COL5A2: variants seen among roughly 807,000 people sequenced by gnomAD.
COL5A2 encodes the protein collagen alpha-2(V) chain.
COL5A2 carries 23 observed loss-of-function variants against 208.2 expected under a neutral mutation model. The observed-to-expected ratio is 0.11, with a 90% CI of 0.08 to 0.16. The LOEUF is 0.16. Ranked by LOEUF, COL5A2 falls within the 10% of genes least tolerant of loss-of-function variation. The probability of loss-of-function intolerance (pLI) is 1.00; values close to 1 mark genes in which losing one functional copy is unlikely to be tolerated. For synonymous variants in COL5A2, 625 were observed against 628.5 expected, an observed-to-expected ratio of 0.99 and a Z score of 0.08; for missense variants, 1,590 against 1,956.4, an observed-to-expected ratio of 0.81 and a Z score of 3.53.
At chr2:189,147,932 G>A (rs1688071400) in intron 1 of COL5A2, among the ~76,000 whole-genome samples, 3 of 152,082 alleles carry the variant, frequency 2.0e-5, no homozygotes, top group African/African-American at 7.2e-5. Flanking sequence ...AGAATTTCTT[G>A]AGGAGTCTAT....
the COL5A2 span, among the ~76,000 whole-genome samples, chr2:189,412,765 T>C: frequency 6.6e-6 from 1 of 152,216 alleles, no homozygotes; most frequent in Non-Finnish European, 1.5e-5. Flanking sequence ...TTGTATTATG[T>C]TACCTAGAAA....
At chr2:189,066,288 G>T in intron 23 of COL5A2, 102 bp downstream of exon 23, 1 of 1,106,068 alleles carries the variant, frequency 9.0e-7, no homozygotes, top group Non-Finnish European at 1.4e-6. Flanking sequence ...CAGGGAACCT[G>T]CAAGCATTTC....
intron 45 of COL5A2, among the ~76,000 whole-genome samples, chr2:189,046,614 A>G (rs1470375468): frequency 1.3e-5 from 2 of 152,152 alleles, no homozygotes; most frequent in African/African-American, 4.8e-5. Context: ...TCTCCTTAAG[A>G]AGTCAGAGGT....
chr2:189,428,463 C>A, the COL5A2 span, among the ~76,000 whole-genome samples: 2 of 151,842 alleles, frequency 1.3e-5, no homozygotes, highest in Non-Finnish European at 2.9e-5. Flanking sequence ...ACTAAAAATA[C>A]AAAAATTAGC....
chr2:189,109,926 C>T (rs1303933065), intron 2 of COL5A2, among the ~76,000 whole-genome samples: 1 of 152,136 alleles, frequency 6.6e-6, no homozygotes, highest in Non-Finnish European at 1.5e-5. Flanking sequence ...TGGAGGCACT[C>T]ATCATGCATA....
At chr2:189,162,209 A>G (rs374943285) in intron 1 of COL5A2, among the ~76,000 whole-genome samples, 1 of 152,172 alleles carries the variant, frequency 6.6e-6, no homozygotes, top group Non-Finnish European at 1.5e-5. Flanking sequence ...TTCCCACTAG[A>G]CGATTAACTT....
intron 46 of COL5A2, 26 bp from the exon 47 acceptor site, chr2:189,045,258 A>G (rs1387102196): frequency 6.4e-6 from 10 of 1,560,872 alleles, no homozygotes; most frequent in Admixed American, 1.8e-5. Flanking sequence ...AACAAAAAAA[A>G]TTGGCATGTA....
the COL5A2 span, among the ~76,000 whole-genome samples, chr2:189,388,689 A>G: frequency 6.6e-6 from 1 of 152,194 alleles, no homozygotes; most frequent in Non-Finnish European, 1.5e-5. Flanking sequence ...AAAATCAAGA[A>G]TTAGGAGCCT....
intron 45 of COL5A2, 84 bp downstream of exon 45, chr2:189,048,125 G>GA (rs1351925734): frequency 2.8e-5 from 36 of 1,287,178 alleles, no homozygotes; most frequent in Non-Finnish European, 4.1e-5. Context: ...GAACTATCAG[G>GA]AAAAATGACA....
At chr2:189,167,591 A>G (rs1257928748) in intron 1 of COL5A2, among the ~76,000 whole-genome samples, 1 of 152,172 alleles carries the variant, frequency 6.6e-6, no homozygotes, top group Non-Finnish European at 1.5e-5. Flanking sequence ...AGCCACAAAT[A>G]AAAAACTTGC....
chr2:189,195,074 T>C (rs1273404390), intron 1 of COL5A2, among the ~76,000 whole-genome samples: 2 of 152,138 alleles, frequency 1.3e-5, no homozygotes, highest in Non-Finnish European at 2.9e-5. Context: ...GAAAACCCCA[T>C]TGTCTCAGCC....
chr2:189,155,863 GC>G (rs1036769263), intron 1 of COL5A2, among the ~76,000 whole-genome samples: 7 of 152,058 alleles, frequency 4.6e-5, no homozygotes, highest in Non-Finnish European at 1.0e-4. Flanking sequence ...CCTTCTGGAA[GC>G]CCCAGAAGGA....
At chr2:189,157,163 AT>A (rs1254809669) in intron 1 of COL5A2, among the ~76,000 whole-genome samples, 3 of 76,734 alleles carry the variant, frequency 3.9e-5, no homozygotes, top group African/African-American at 3.0e-4. Context: ...TGTGCTAAGC[AT>A]ATATATATCT....
chr2:189,068,373 C>T, intron 19 of COL5A2, 103 bp from the exon 20 acceptor site: 1 of 1,051,830 alleles, frequency 9.5e-7, no homozygotes, highest in Non-Finnish European at 1.5e-6. Flanking sequence ...GAAGTAGAAG[C>T]ATTTTTTAAA....
chr2:189,297,165 A>T, the COL5A2 span, among the ~76,000 whole-genome samples: 1 of 152,218 alleles, frequency 6.6e-6, no homozygotes, highest in African/African-American at 2.4e-5. Context: ...AAAGATTTTT[A>T]AAAGTATGCA....
At chr2:189,208,989 C>A (rs548204586) in intron 1 of COL5A2, among the ~76,000 whole-genome samples, 1 of 152,158 alleles carries the variant, frequency 6.6e-6, no homozygotes, top group East Asian at 1.9e-4. Flanking sequence ...CTCATCTGGC[C>A]CCCTCGGAGG....
chr2:189,185,787 T>C (rs1688844481), intron 1 of COL5A2, among the ~76,000 whole-genome samples: 1 of 152,198 alleles, frequency 6.6e-6, no homozygotes, highest in Admixed American at 6.5e-5. Context: ...ATACATTGTT[T>C]GATAAGGAAT....
At chr2:189,322,744 A>T in the COL5A2 span, among the ~76,000 whole-genome samples, 1 of 152,212 alleles carries the variant, frequency 6.6e-6, no homozygotes, top group South Asian at 2.1e-4. Flanking sequence ...ATTCTACCAG[A>T]GGTACAAGTA....
intron 1 of COL5A2, among the ~76,000 whole-genome samples, chr2:189,135,037 C>T (rs1222308446): frequency 6.6e-6 from 1 of 152,116 alleles, no homozygotes; most frequent in African/African-American, 2.4e-5. Context: ...GTTGGGTTGG[C>T]TGGACTACAT....
Sources: allele counts gnomAD v4.1 joint callset (sites outside exome capture counted in the v4.1 genomes callset), GRCh38; gene constraint gnomAD v4.1.1; transcripts MANE v1.5; gene names NCBI Gene and HGNC (gene_info 2026-07-23, HGNC 2026-07-21).